OTOGL: variants seen among roughly 807,000 people sequenced by gnomAD.
OTOGL encodes the protein otogelin like.
Under a neutral mutation model 318.5 loss-of-function variants are expected in OTOGL, and 285 were observed. The ratio of observed to expected loss-of-function variants is 0.89; its 90% CI spans 0.81 to 0.99. OTOGL has a LOEUF of 0.99. Among genes scored for constraint, OTOGL ranks in the 50% least tolerant of loss-of-function variants. The pLI, the probability that OTOGL is intolerant of heterozygous loss-of-function variation, is 0.00. For synonymous variants in OTOGL, 987 were observed against 936.5 expected (o/e 1.05, Z -0.99); for missense variants, 2,899 against 2,845.6 (o/e 1.02, Z -0.43).
chr12:80,270,789 T>C (rs2137585166), intron 23 of OTOGL, among the ~76,000 whole-genome samples: 1 of 152,194 alleles, frequency 6.6e-6, no homozygotes, highest in Admixed American at 6.5e-5. Context: ...TAGGACCATA[T>C]ATATTATTTA....
intron 1 of OTOGL, among the ~76,000 whole-genome samples, chr12:80,203,559 A>G (rs1178447863): frequency 1.3e-5 from 2 of 152,278 alleles, no homozygotes; most frequent in East Asian, 3.9e-4. Flanking sequence ...TGCCAATGGA[A>G]CAGAAGCTGT....
At chr12:80,271,570 T>G (rs1307417798) in intron 23 of OTOGL, 78 bp from the exon 24 acceptor site, 5 of 1,374,976 alleles carry the variant, frequency 3.6e-6, no homozygotes, top group Non-Finnish European at 5.0e-6. Flanking sequence ...AATAAACCTA[T>G]TTTATGAATT....
chr12:80,328,808 G>A (rs776911493), intron 36 of OTOGL, 64 bp downstream of exon 36: 2 of 1,426,782 alleles, frequency 1.4e-6, no homozygotes, highest in Non-Finnish European at 1.9e-6. Context: ...TTTTTCCGAG[G>A]CAAGTGGTTG....
chr12:80,100,254 G>C (rs1869058177), intron 1 of OTOGL, among the ~76,000 whole-genome samples: 1 of 152,014 alleles, frequency 6.6e-6, no homozygotes. Context: ...TACTCTTTTA[G>C]TTATTTTAAA....
At chr12:80,117,072 T>C (rs1316431313) in intron 1 of OTOGL, among the ~76,000 whole-genome samples, 1 of 152,162 alleles carries the variant, frequency 6.6e-6, no homozygotes, top group Non-Finnish European at 1.5e-5. Flanking sequence ...GGAGCCCATA[T>C]GGAGTTGGTC....
intron 26 of OTOGL, among the ~76,000 whole-genome samples, chr12:80,280,532 G>T (rs1034210980): frequency 1.3e-5 from 2 of 151,884 alleles, no homozygotes; most frequent in African/African-American, 2.4e-5. Flanking sequence ...GGTTATCCCA[G>T]CAGCATTTAT....
intron 18 of OTOGL, 148 bp downstream of exon 18, chr12:80,258,150 C>A: frequency 2.6e-6 from 2 of 768,052 alleles, no homozygotes; most frequent in Non-Finnish European, 3.9e-6. Context: ...AAATGTATAG[C>A]AATCTCTGAT....
intron 7 of OTOGL, among the ~76,000 whole-genome samples, chr12:80,228,352 G>C (rs1356125482): frequency 1.3e-5 from 2 of 152,042 alleles, no homozygotes; most frequent in African/African-American, 4.8e-5. Context: ...TGAGGCACGA[G>C]AATCACTTGA....
chr12:80,119,240 G>A (rs1870345818), intron 1 of OTOGL, among the ~76,000 whole-genome samples: 2 of 152,198 alleles, frequency 1.3e-5, no homozygotes, highest in Non-Finnish European at 2.9e-5. Context: ...TATGAAGAAT[G>A]CAAGACTCTC....
intron 26 of OTOGL, among the ~76,000 whole-genome samples, chr12:80,284,145 T>G (rs1250826016): frequency 6.6e-6 from 1 of 152,170 alleles, no homozygotes; most frequent in Non-Finnish European, 1.5e-5. Context: ...TTTCTGTTCC[T>G]GCATTAGTTT....
rs760756006 is a variant in OTOGL, at chr12:80,266,594, ACT to A, written c.2371_2372del (p.Leu791Ter). 6.2e-7 allele frequency: 1 copy of A among 1,613,136 alleles called. No individual in the cohort carries two copies. Among genetic ancestry groups the A allele is most frequent in the Non-Finnish European group, 8.5e-7 (1 of 1,179,598 alleles). ...TCCGGAAGGCAAATTCTATGAAGAC[ACT>A]CTTAACTTTTGTGTACCCATGTAAG... ...NCPEGKFYED[T>X]LNFCVPIFHC... On this transcript the variant is annotated frameshift_variant, in exon 21 of 59. Transcript: ENST00000547103. LOFTEE classifies it high-confidence loss of function.
At chr12:80,224,858 A>G (rs1878683665) in intron 7 of OTOGL, among the ~76,000 whole-genome samples, 1 of 152,064 alleles carries the variant, frequency 6.6e-6, no homozygotes, top group Non-Finnish European at 1.5e-5. Context: ...ATAGTCAATA[A>G]TATCTTAATT....
chr12:80,287,977 A>C (rs1378656855), intron 26 of OTOGL, among the ~76,000 whole-genome samples: 1 of 152,098 alleles, frequency 6.6e-6, no homozygotes, highest in African/African-American at 2.4e-5. Flanking sequence ...TAGTTGATGC[A>C]GTTTCTTCAT....
rs1889857411 is a variant in OTOGL at position 80,355,818 on chromosome 12, T to G, written c.5676T>G (p.Cys1892Trp). The change falls in exon 47 of 59, where the codon TGT becomes TGG. Residue 1892 changes from cysteine to tryptophan, a missense_variant. This residue lies in a region of OTOGL where 2,607 missense variants were observed against 2,524.9 expected (regional missense o/e 1.03). Transcript: ENST00000547103. ...GGIDECTLYKCLENGSIIPIE... is the reference protein window; with the variant it reads ...GGIDECTLYKWLENGSIIPIE... Reference sequence around the variant, plus strand: ...TTGATGAATGCACTCTATACAAATGTTTGGAGAATGGAAGCATTATCCCTA... The same window carrying G: ...TTGATGAATGCACTCTATACAAATGGTTGGAGAATGGAAGCATTATCCCTA... The G allele has an allele frequency of 6.2e-7, 1 of 1,613,802 alleles. No homozygotes were observed. The highest frequency in any genetic ancestry group is 1.1e-5 in the South Asian group (1 of 91,092).
chr12:80,263,222 C>A (rs182226165), intron 19 of OTOGL, among the ~76,000 whole-genome samples: 22 of 152,260 alleles, frequency 1.4e-4, no homozygotes, highest in Non-Finnish European at 2.6e-4. Context: ...TCCCATTTAA[C>A]AATACCTTCC....
At chr12:80,235,259 G>A (rs1879731095) in intron 9 of OTOGL, among the ~76,000 whole-genome samples, 1 of 152,160 alleles carries the variant, frequency 6.6e-6, no homozygotes, top group East Asian at 1.9e-4. Context: ...GAGGTCAGGA[G>A]TTCAAGACCA....
chr12:80,358,458 T>C, intron 50 of OTOGL, 109 bp downstream of exon 50: 2 of 932,290 alleles, frequency 2.1e-6, no homozygotes, highest in Non-Finnish European at 3.2e-6. Flanking sequence ...GTTTTTCATT[T>C]GATGAGCTAT....
intron 29 of OTOGL, among the ~76,000 whole-genome samples, chr12:80,307,928 C>T (rs946966675): frequency 7.4e-6 from 1 of 134,516 alleles, no homozygotes; most frequent in Admixed American, 7.0e-5. Context: ...GGCTGACCCC[C>T]CCACCTCCCT....
chr12:80,323,701 T>C, intron 34 of OTOGL, 22 bp from the exon 35 acceptor site: 2 of 1,560,628 alleles, frequency 1.3e-6, no homozygotes, highest in Non-Finnish European at 1.8e-6. Flanking sequence ...ATGCACACAA[T>C]CTAAACTTTA....
Sources: allele counts gnomAD v4.1 joint callset (sites outside exome capture counted in the v4.1 genomes callset), GRCh38; gene constraint gnomAD v4.1.1; regional missense constraint gnomAD v4.1.1; transcripts MANE v1.5; gene names NCBI Gene and HGNC (gene_info 2026-07-23, HGNC 2026-07-21).